AFF2: variants seen among roughly 807,000 people sequenced by gnomAD.
The protein encoded by AFF2 is AF4/FMR2 family member 2.
Under a neutral mutation model 76.9 loss-of-function variants are expected in AFF2, and 14 were observed. That is an observed-to-expected ratio of 0.18 (90% confidence interval 0.12 to 0.28). The LOEUF (loss-of-function observed/expected upper bound fraction) is 0.28, where lower values mean the gene tolerates loss of function less well. Ranked by LOEUF, AFF2 falls within the 10% of genes least tolerant of loss-of-function variation. The probability of loss-of-function intolerance (pLI) is 1.00; values close to 1 mark genes in which losing one functional copy is unlikely to be tolerated. For synonymous variants in AFF2, 398 were observed against 366.7 expected (o/e 1.09, Z -0.98); for missense variants, 868 against 1,001.1 (o/e 0.87, Z 1.79).
intron 3 of AFF2, among the ~76,000 whole-genome samples, chrX:148,806,745 TG>T (rs1449545093): frequency 8.9e-6 from 1 of 111,822 alleles, no homozygotes; most frequent in Non-Finnish European, 1.9e-5. Flanking sequence ...TATGTCCCAG[TG>T]GGTTTCTAAT....
chrX:148,660,486 G>T (rs1380658722), intron 2 of AFF2, among the ~76,000 whole-genome samples: 2 of 112,125 alleles, frequency 1.8e-5, no homozygotes, highest in Non-Finnish European at 3.8e-5. Flanking sequence ...CACAGCCTTA[G>T]ACTGAGATGC....
intron 1 of AFF2, among the ~76,000 whole-genome samples, chrX:148,533,086 T>C (rs782786501): frequency 9.0e-5 from 10 of 111,688 alleles, no homozygotes; most frequent in Non-Finnish European, 5.6e-5. Flanking sequence ...TCAAGGTCAA[T>C]TATCTTCTGT....
rs183133981 is a variant in AFF2, at chrX:148,824,277, G to A, written c.1087-13370G>A. On this transcript the variant is annotated intron_variant, in intron 4 of 20. Transcript: ENST00000370460. ...GGGGCTTGAGATCTGGATTATTAAC[G>A]TTAAAATGGACTGAGTCCTGAGAAA... Among the ~76,000 whole-genome samples, 404 of 111,472 alleles carry A rather than the reference G, an allele frequency of 3.6e-3. 1 individual carries two copies. Among genetic ancestry groups the A allele is most frequent in the African/African-American group, 0.013 (390 of 30,680 alleles).
rs782215598 is a variant in AFF2 at position 148,956,464 on chromosome X, C to G, written c.2419C>G (p.Leu807Val). Reference sequence around the variant, plus strand: ...GAAAAACCTCTGGGTGAAGATTGACCTTGACTTACTCTCTAGAGTACCTGG... The same window carrying G: ...GAAAAACCTCTGGGTGAAGATTGACGTTGACTTACTCTCTAGAGTACCTGG... ...NLKNLWVKIDLDLLSRVPGHS... is the reference protein window; with the variant it reads ...NLKNLWVKIDVDLLSRVPGHS... Residue 807 changes from leucine to valine, a missense_variant, in exon 11 of 21, where the codon CTT becomes GTT. Coordinates refer to ENST00000370460, the MANE Select transcript of AFF2 (RefSeq NM_002025.4). 1 of 1,211,881 alleles carries G rather than the reference C, an allele frequency of 8.3e-7. No individual in the cohort carries two copies. The highest frequency in any genetic ancestry group is 1.1e-6 in the Non-Finnish European group (1 of 895,553).
intron 1 of AFF2, among the ~76,000 whole-genome samples, chrX:148,624,171 T>C (rs1426091407): frequency 3.6e-5 from 4 of 111,647 alleles, no homozygotes; most frequent in African/African-American, 1.3e-4. Context: ...TTAAGCTGCT[T>C]TGAATCAGCA....
chrX:148,677,081 G>T lies in AFF2; in HGVS notation c.1041+14313G>T, dbSNP rs782623989. Among the ~76,000 whole-genome samples, 5 of 110,442 alleles carry T rather than the reference G, an allele frequency of 4.5e-5. No homozygotes were observed. In the South Asian group the frequency reaches 2.0e-3, roughly 43 times the overall value. ...AGAAATGCTAGCAATTTGAATTAGG[G>T]TCATTTCTGAGACAGATTTTTAAGT... On this transcript the variant is annotated intron_variant, in intron 3 of 20. Coordinates refer to ENST00000370460, the MANE Select transcript of AFF2 (RefSeq NM_002025.4).
At chrX:148,504,026 G>T (rs1314157547) in intron 1 of AFF2, among the ~76,000 whole-genome samples, 3 of 111,247 alleles carry the variant, frequency 2.7e-5, no homozygotes, top group African/African-American at 6.6e-5. Flanking sequence ...TAAAGAAAAA[G>T]ATAAATTAAA....
At chrX:148,961,306 C>T (rs1294279766) in intron 12 of AFF2, among the ~76,000 whole-genome samples, 1 of 112,054 alleles carries the variant, frequency 8.9e-6, no homozygotes, top group African/African-American at 3.2e-5. Context: ...GTAATTATTA[C>T]ACTTAATGTG....
intron 1 of AFF2, among the ~76,000 whole-genome samples, chrX:148,550,795 A>T (rs369370668): frequency 6.3e-5 from 7 of 111,554 alleles, no homozygotes; most frequent in African/African-American, 2.3e-4. Context: ...GCTTGATAAG[A>T]TTACAGGCTG....
chrX:148,982,490 A>G (rs1051028762), intron 19 of AFF2, among the ~76,000 whole-genome samples: 1 of 111,800 alleles, frequency 8.9e-6, no homozygotes, highest in African/African-American at 3.3e-5. Context: ...CTGCGTGACC[A>G]GGAAGGGCTT....
chrX:148,557,675 G>A (rs1159084584), intron 1 of AFF2, among the ~76,000 whole-genome samples: 2 of 112,179 alleles, frequency 1.8e-5, no homozygotes, highest in South Asian at 3.7e-4. Flanking sequence ...TCTAACTTTG[G>A]GGGAGACATT....
chrX:148,665,752 A>G (rs996064309), intron 3 of AFF2, among the ~76,000 whole-genome samples: 29 of 112,135 alleles, frequency 2.6e-4, no homozygotes, highest in African/African-American at 9.1e-4. Flanking sequence ...ACTTAGCATT[A>G]GAATTCAGCC....
Position 148,585,729 on chromosome X carries a change from T to G in AFF2, c.48-66270T>G, listed in dbSNP as rs1014855777. ...GGTGGCAGGCGCCTGTATTCCCAGC[T>G]GCTCGGGAGGCTGAGGCAGGAGAAT... is the stretch of plus-strand genomic sequence containing the variant. On this transcript the variant is annotated intron_variant, in intron 1 of 20. Transcript: ENST00000370460. Among the ~76,000 whole-genome samples, 11 of 108,038 alleles carry G rather than the reference T, an allele frequency of 1.0e-4. No homozygotes were observed. In the Admixed American group the frequency reaches 1.1e-3, roughly 11 times the overall value. 93.8% of individuals were successfully genotyped at this position (108,038 alleles called of 115,157 possible). A position where few individuals can be genotyped will look rare whatever the true frequency, so the allele number is the denominator to read the frequency against.
At chrX:148,852,688 T>C (rs1392160046) in intron 7 of AFF2, among the ~76,000 whole-genome samples, 2 of 111,295 alleles carry the variant, frequency 1.8e-5, no homozygotes, top group African/African-American at 6.5e-5. Flanking sequence ...CATGAAATAT[T>C]TTATAAGCAT....
chrX:148,805,382 C>G (rs781980607), intron 3 of AFF2, among the ~76,000 whole-genome samples: 2 of 111,513 alleles, frequency 1.8e-5, no homozygotes, highest in East Asian at 2.8e-4. Context: ...CCTGTCTTCT[C>G]TCACAATCCC....
At position 148,997,060 on chromosome X, in the gene AFF2, G is replaced by T. The variant is rs1324715880; in HGVS notation, c.*5728G>T. 1 of 111,841 alleles carries T rather than the reference G, an allele frequency of 8.9e-6. No individual in the cohort carries two copies. The highest frequency in any genetic ancestry group is 1.9e-5 in the Non-Finnish European group (1 of 53,136). 9.2% of individuals were successfully genotyped at this position (111,841 alleles called of 1,213,427 possible). A position where few individuals can be genotyped will look rare whatever the true frequency, so the allele number is the denominator to read the frequency against. On this transcript the variant is annotated 3_prime_UTR_variant, in exon 21 of 21. Transcript: ENST00000370460. ...TGTTGTTCATAAGAATTTTACTTTA[G>T]TTATTAGGGAATCTAAGTTTTTTGT...
At chrX:148,839,541 A>G (rs782207628) in intron 5 of AFF2, among the ~76,000 whole-genome samples, 43 of 112,024 alleles carry the variant, frequency 3.8e-4, no homozygotes, top group African/African-American at 1.4e-3. Context: ...TAAGGGAACC[A>G]GTACTTAGAT....
chrX:148,681,532 A>G (rs1225427003), intron 3 of AFF2, among the ~76,000 whole-genome samples: 1 of 78,978 alleles, frequency 1.3e-5, no homozygotes, highest in Non-Finnish European at 2.5e-5. Context: ...CAGTGTGCTA[A>G]AAGATGTGTG....
intron 3 of AFF2, among the ~76,000 whole-genome samples, chrX:148,746,014 A>G (rs1396266955): frequency 1.8e-5 from 2 of 111,526 alleles, no homozygotes; most frequent in Non-Finnish European, 3.8e-5. Context: ...AAGTGCTGGG[A>G]TTACAGTTGT....
Sources: gnomAD v4.1 joint callset for allele counts (sites outside exome capture counted in the v4.1 genomes callset) on GRCh38, gnomAD v4.1.1 for gene constraint, MANE v1.5 for transcripts, NCBI Gene and HGNC (gene_info 2026-07-23, HGNC 2026-07-21) for gene names.